The following NPTN variants were observed in gnomAD, a reference collection of about 807,000 sequenced individuals.
NPTN encodes the protein neuroplastin.
NPTN carries 5 observed loss-of-function variants against 42.7 expected under a neutral mutation model. That is an observed-to-expected ratio of 0.12 (90% CI 0.06 to 0.25). The LOEUF is 0.25. Ranked by LOEUF, NPTN falls within the 10% of genes least tolerant of loss-of-function variation. The probability of loss-of-function intolerance (pLI) is 1.00; values close to 1 mark genes in which losing one functional copy is unlikely to be tolerated. For missense variants in NPTN, 307 were observed against 525.4 expected (o/e 0.58, Z 4.06); for synonymous variants, 180 against 201.9 (o/e 0.89, Z 0.92).
At position 73,605,510 on chromosome 15, in the gene NPTN, C is replaced by A. The variant is rs143867608; in HGVS notation, c.92-8141G>T. Among the ~76,000 whole-genome samples, 1,047 of 151,976 alleles carry A rather than the reference C, an allele frequency of 6.9e-3. 10 individuals are homozygous for A. The highest frequency in any genetic ancestry group is 0.019 in the South Asian group (92 of 4,806). On this transcript the variant is annotated intron_variant, in intron 1 of 8. Transcript: ENST00000345330. ...TTGGGAGGCCGAGGCGGGCAGATCA[C>A]CTGAGGTCAGGAGTTTGAGACCAAC...
Position 73,599,195 on chromosome 15 carries a change from C to A in NPTN, c.92-1826G>T, listed in dbSNP as rs191087963. 3.9e-3 allele frequency among the ~76,000 whole-genome samples: 586 copies of A among 152,200 alleles called. 1 individual carries two copies. The highest frequency in any genetic ancestry group is 0.014 in the African/African-American group (562 of 41,524). Reference sequence around the variant, plus strand: ...GAAGCTTTAGAATTACAGAAAGGAGCCCCCAAGCCCCTGCATGAAGAGCTG... The same window carrying A: ...GAAGCTTTAGAATTACAGAAAGGAGACCCCAAGCCCCTGCATGAAGAGCTG... On this transcript the variant is annotated intron_variant, in intron 1 of 8. Coordinates refer to ENST00000345330, the MANE Select transcript of NPTN (RefSeq NM_012428.4).
chr15:73,601,023 A>G (rs897882300), intron 1 of NPTN, among the ~76,000 whole-genome samples: 3 of 152,196 alleles, frequency 2.0e-5, no homozygotes, highest in Non-Finnish European at 4.4e-5. Flanking sequence ...AAAGGGCAGC[A>G]CCTGAAAGTT....
At chr15:73,563,195 C>T in intron 7 of NPTN, 41 bp downstream of exon 7, 1 of 1,338,484 alleles carries the variant, frequency 7.5e-7, no homozygotes, top group East Asian at 2.3e-5. Context: ...CAACATCATT[C>T]AATCAGATAC....
At chr15:73,588,608 G>C (rs776723968) in intron 3 of NPTN, among the ~76,000 whole-genome samples, 4 of 152,012 alleles carry the variant, frequency 2.6e-5, no homozygotes, top group East Asian at 1.9e-4. Context: ...AAGCTTGTTC[G>C]CACCTCAAAA....
At chr15:73,566,239 C>G (rs1049686303) in intron 6 of NPTN, among the ~76,000 whole-genome samples, 1 of 152,150 alleles carries the variant, frequency 6.6e-6, no homozygotes, top group Non-Finnish European at 1.5e-5. Context: ...TATCCCTAGT[C>G]TGTATAAAGC....
intron 1 of NPTN, among the ~76,000 whole-genome samples, chr15:73,610,490 T>C (rs1004020378): frequency 2.0e-5 from 3 of 152,196 alleles, no homozygotes; most frequent in African/African-American, 7.2e-5. Flanking sequence ...TTATTTCACT[T>C]AACATGGAAT....
intron 1 of NPTN, among the ~76,000 whole-genome samples, chr15:73,609,656 C>A (rs1022534465): frequency 1.6e-4 from 24 of 151,814 alleles, no homozygotes; most frequent in African/African-American, 5.3e-4. Flanking sequence ...AAACAAAAAA[C>A]ACACACAAAG....
intron 1 of NPTN, among the ~76,000 whole-genome samples, chr15:73,603,704 CAATTATA>C (rs548461854): frequency 8.4e-4 from 128 of 152,296 alleles, no homozygotes; most frequent in African/African-American, 2.9e-3. Context: ...ATAATCCTAT[CAATTATA>C]AATCAGGCTG....
intron 8 of NPTN, among the ~76,000 whole-genome samples, chr15:73,561,507 C>G (rs944818866): frequency 1.3e-5 from 2 of 152,070 alleles, no homozygotes; most frequent in Admixed American, 6.5e-5. Flanking sequence ...TGATGAAACC[C>G]CGTCTCTACT....
At chr15:73,567,284 A>C (rs1201876874) in intron 6 of NPTN, 2 of 985,272 alleles carry the variant, frequency 2.0e-6, no homozygotes, top group African/African-American at 3.5e-5. Context: ...CTTGATAATA[A>C]AGTGCTATTT....
intron 4 of NPTN, among the ~76,000 whole-genome samples, chr15:73,585,020 G>A (rs1272638309): frequency 6.6e-6 from 1 of 152,182 alleles, no homozygotes; most frequent in Non-Finnish European, 1.5e-5. Context: ...CCCAGTCCCT[G>A]GCTAGGCTAA....
chr15:73,632,891 G>T (rs919372097), intron 1 of NPTN: 4 of 397,288 alleles, frequency 1.0e-5, no homozygotes, highest in Middle Eastern at 6.5e-4. Context: ...CCTCCGAGTG[G>T]GCAACACCTC....
At chr15:73,625,204 G>A (rs894586781) in intron 1 of NPTN, among the ~76,000 whole-genome samples, 28 of 152,122 alleles carry the variant, frequency 1.8e-4, no homozygotes, top group African/African-American at 6.5e-4. Flanking sequence ...AGGTCACTAT[G>A]GTTCTCTTAA....
Position 73,567,943 on chromosome 15 carries a change from T to G in NPTN, c.1114+2207A>C, listed in dbSNP as rs1342569196. 12 of 985,418 alleles carry G rather than the reference T, an allele frequency of 1.2e-5. No individual in the cohort carries two copies. In the South Asian group the frequency reaches 5.2e-4, roughly 42 times the overall value. The allele number at this position is 985,418 out of a possible 1,614,324, so 61.0% of individuals were successfully genotyped here. On this transcript the variant is annotated intron_variant, in intron 6 of 8. Transcript: ENST00000345330. ...GAGCAAGGAGGTTTTACTTTGCACT[T>G]ACCCTGCCGTCATCTCTTTTAAGGG...
intron 4 of NPTN, among the ~76,000 whole-genome samples, chr15:73,578,502 C>G (rs941332618): frequency 6.6e-6 from 1 of 152,208 alleles, no homozygotes; most frequent in African/African-American, 2.4e-5. Flanking sequence ...AGGATGACAC[C>G]AAGGTTTTGG....
rs1363645508 is a variant in NPTN, at chr15:73,597,788, T to G, written c.92-419A>C. The stretch of plus-strand genomic sequence containing the variant: ...GAAAGATAACCAGAAGAGGCAGTAG[T>G]TTTATATGCCAAATCAGGATCTCTC... On this transcript the variant is annotated intron_variant, in intron 1 of 8. Transcript: ENST00000345330. The surrounding 1 kb of genome is among the most constrained non-coding windows in gnomAD (Gnocchi z 6.3). Among the ~76,000 whole-genome samples, 1 of 152,162 alleles carries G rather than the reference T, an allele frequency of 6.6e-6. No individual in the cohort carries two copies. The highest frequency in any genetic ancestry group is 1.5e-5 in the Non-Finnish European group (1 of 68,014).
intron 6 of NPTN, chr15:73,568,950 C>T: frequency 1.0e-6 from 1 of 985,496 alleles, no homozygotes; most frequent in African/African-American, 1.7e-5. Context: ...CACTGGCATG[C>T]CTCTGGGGCC....
rs1159772182 is a variant in NPTN at position 73,570,346 on chromosome 15, C to A, written c.918G>T (p.Gln306His). ...NYTELNIVNL[Q>H]ITEDPGEYEC... ...CATACTCGCCAGGGTCTTCCGTGATCTGCAGGTTCACAATGTTCAACTCAG... is the reference window on the plus strand; with the variant it reads ...CATACTCGCCAGGGTCTTCCGTGATATGCAGGTTCACAATGTTCAACTCAG... The change falls in exon 6 of 9, where the codon CAG (glutamine) becomes CAT (histidine). Residue 306 changes from glutamine (Q) to histidine (H), a missense_variant. By Grantham distance (24) the Gln-to-His change is conservative (BLOSUM62 0). This residue lies in a region of NPTN where 264 missense variants were observed against 491.1 expected (regional missense o/e 0.54). Transcript: ENST00000345330. This position sits in a 1 kb window ranked among gnomAD's most constrained non-coding sequence, Gnocchi z 4.0. The A allele has an allele frequency of 1.9e-6, 3 of 1,614,144 alleles. No homozygotes were observed. In the Admixed American group the frequency reaches 5.0e-5, roughly 27 times the overall value.
At chr15:73,619,540 CA>C (rs1898030137) in intron 1 of NPTN, among the ~76,000 whole-genome samples, 1 of 152,118 alleles carries the variant, frequency 6.6e-6, no homozygotes, top group African/African-American at 2.4e-5. Context: ...AAGACGGCTT[CA>C]AAAATAAAGA....
Sources: gnomAD v4.1 joint callset for allele counts (sites outside exome capture counted in the v4.1 genomes callset) on GRCh38, gnomAD v4.1.1 for gene constraint, gnomAD v4.1.1 regional missense constraint, Gnocchi (gnomAD v3.1) non-coding constraint, MANE v1.5 for transcripts, NCBI Gene and HGNC (gene_info 2026-07-23, HGNC 2026-07-21) for gene names.